PHF10: variants seen among roughly 807,000 people sequenced by gnomAD.
PHF10 encodes BRG1-associated factor 45a.
Under a neutral mutation model 68.5 loss-of-function variants are expected in PHF10, and 51 were observed. That is an observed-to-expected ratio of 0.74 (90% CI 0.59 to 0.94). The LOEUF is 0.94. Ranked by LOEUF, PHF10 falls within the 40% of genes least tolerant of loss-of-function variation. The pLI is 0.00. For synonymous variants in PHF10, 204 were observed against 203.5 expected, an observed-to-expected ratio of 1.00 and a Z score of -0.02; for missense variants, 460 against 602.6, an observed-to-expected ratio of 0.76 and a Z score of 2.48.
chr6:169,717,609 G>A (rs1789080649), intron 4 of PHF10: 1 of 455,496 alleles, frequency 2.2e-6, no homozygotes, highest in Non-Finnish European at 3.9e-6. Context: ...CCATCATGAA[G>A]CTGAACCATC....
At chr6:169,705,363 T>G in intron 10 of PHF10, 42 bp from the exon 11 acceptor site, 2 of 1,386,496 alleles carry the variant, frequency 1.4e-6, no homozygotes. Flanking sequence ...CATAAGAAAT[T>G]TTAACTTAAT....
intron 2 of PHF10, among the ~76,000 whole-genome samples, chr6:169,720,055 G>A (rs1285654425): frequency 1.3e-5 from 2 of 151,886 alleles, no homozygotes; most frequent in African/African-American, 2.4e-5. Context: ...CCAAGCAGAT[G>A]AAAAGATGTT....
chr6:169,704,816 T>G (rs1788717026), intron 11 of PHF10: 4 of 224,678 alleles, frequency 1.8e-5, no homozygotes. Flanking sequence ...GCAGTCATTT[T>G]GTTGTTTCTA....
Position 169,723,919 on chromosome 6 carries a change from CCGCCGCCGCCATCAGCCCGAGCGCCCCG to C in PHF10, c.-16_12del. ...GGGGACAGCGCAGCCCCGGGCCCGG[CCGCCGCCGCCATCAGCCCGAGCGCCCCG>C]CGCCGCCGCCGCCGCCGTCGCCTCC... is the stretch of plus-strand genomic sequence containing the variant. On this transcript the variant is annotated start_lost and 5_prime_UTR_variant, in exon 1 of 12. Coordinates refer to ENST00000339209, the MANE Select transcript of PHF10 (RefSeq NM_018288.4). 9.7e-7 allele frequency: 1 copy of C among 1,026,048 alleles called. No individual in the cohort carries two copies. Among genetic ancestry groups the C allele is most frequent in the Non-Finnish European group, 1.2e-6 (1 of 850,590 alleles). 63.6% of individuals were successfully genotyped at this position (1,026,048 alleles called of 1,614,324 possible).
chr6:169,723,938 G>C lies in PHF10; in HGVS notation c.-7C>G. Reference sequence around the variant, plus strand: ...GCCCGGCCGCCGCCGCCATCAGCCCGAGCGCCCCGCGCCGCCGCCGCCGCC... The same window carrying C: ...GCCCGGCCGCCGCCGCCATCAGCCCCAGCGCCCCGCGCCGCCGCCGCCGCC... On this transcript the variant is annotated 5_prime_UTR_variant, in exon 1 of 12. Coordinates refer to ENST00000339209, the MANE Select transcript of PHF10 (RefSeq NM_018288.4). The C allele has an allele frequency of 1.1e-6, 1 of 945,726 alleles. No individual in the cohort carries two copies. The highest frequency in any genetic ancestry group is 1.3e-6 in the Non-Finnish European group (1 of 790,474). The allele number at this position is 945,726 out of a possible 1,614,324, so 58.6% of individuals were successfully genotyped here.
Position 169,705,157 on chromosome 6 carries a change from C to A in PHF10, c.1387G>T (p.Val463Leu). 1.2e-6 allele frequency: 2 copies of A among 1,609,988 alleles called. No individual in the cohort carries two copies. Among genetic ancestry groups the A allele is most frequent in the Non-Finnish European group, 1.7e-6 (2 of 1,178,124 alleles). Residue 463 changes from valine to leucine, a missense_variant, in exon 11 of 12, where the codon GTG (valine) becomes TTG (leucine). Physicochemically the swap from Val to Leu is conservative, Grantham distance 32 (BLOSUM62 1). Around this residue, in one of 3 missense-constraint regions of PHF10, gnomAD observed 111 missense variants for 109.7 expected, o/e 1.01. Transcript: ENST00000339209. ...MCDRGYHTFC[V>L]GLGAIPSGRW... ...CCTGATGGAATAGCACCAAGGCCCA[C>A]ACAAAAAGTATGATAACCTCTGTCA...
chr6:169,716,582 C>A (rs1789052834), intron 4 of PHF10, among the ~76,000 whole-genome samples: 1 of 151,912 alleles, frequency 6.6e-6, no homozygotes, highest in Non-Finnish European at 1.5e-5. Context: ...CAGATTTCAC[C>A]AATTGCTAAA....
Position 169,712,549 on chromosome 6 carries a change from A to C in PHF10, c.804-10T>G. ...CTCATCTGGTGAGTACCTGAAGTTC[A>C]GAGAGTTTATTTTTGGTTTCCCTTT... On this transcript the variant is annotated splice_polypyrimidine_tract_variant and intron_variant, in intron 7 of 11. Coordinates refer to ENST00000339209, the MANE Select transcript of PHF10 (RefSeq NM_018288.4). 6.3e-7 allele frequency: 1 copy of C among 1,597,620 alleles called. No homozygotes were observed.
rs1789259486 is a variant in PHF10, at chr6:169,724,007, C to CGCCGCT, written c.-77_-76insAGCGGC. ...CGGCCGCCGCCGCCGCTGCCGCCGC[C>CGCCGCT]GCCGCCGCCGCCGCCGCGCGGGCCC... On this transcript the variant is annotated 5_prime_UTR_variant, in exon 1 of 12. Transcript: ENST00000339209. 1 of 217,664 alleles carries CGCCGCT rather than the reference C, an allele frequency of 4.6e-6. No individual in the cohort carries two copies. Among genetic ancestry groups the CGCCGCT allele is most frequent in the African/African-American group, 2.4e-5 (1 of 41,202 alleles). 13.5% of individuals were successfully genotyped at this position (217,664 alleles called of 1,614,324 possible). A position where few individuals can be genotyped will look rare whatever the true frequency, so the allele number is the denominator to read the frequency against.
chr6:169,720,808 T>G (rs138936547), intron 2 of PHF10, among the ~76,000 whole-genome samples, 197 bp downstream of exon 2: 26 of 152,336 alleles, frequency 1.7e-4, no homozygotes, highest in Admixed American at 4.6e-4. Context: ...TATGTATGTA[T>G]GTATTTTACT....
rs1269602732 is a variant in PHF10, at chr6:169,704,161, T to C, written c.1412-73A>G. 5 of 1,117,628 alleles carry C rather than the reference T, an allele frequency of 4.5e-6. No homozygotes were observed. In the Admixed American group the frequency reaches 1.5e-4, roughly 34 times the overall value. The allele number at this position is 1,117,628 out of a possible 1,614,324, so 69.2% of individuals were successfully genotyped here. A position where few individuals can be genotyped will look rare whatever the true frequency, so the allele number is the denominator to read the frequency against. On this transcript the variant is annotated intron_variant, in intron 11 of 11. Coordinates refer to ENST00000339209, the MANE Select transcript of PHF10 (RefSeq NM_018288.4). ...CTGAATTTTAAGCCCATCTAAACTCTTCTGCCTTAGCTATCACTAATGATA... is the reference window on the plus strand; with the variant it reads ...CTGAATTTTAAGCCCATCTAAACTCCTCTGCCTTAGCTATCACTAATGATA...
chr6:169,724,234 G>A lies in PHF10; in HGVS notation c.-303C>T, dbSNP rs1789267998. 6.9e-6 allele frequency among the ~76,000 whole-genome samples: 1 copy of A among 145,408 alleles called. No homozygotes were observed. Among genetic ancestry groups the A allele is most frequent in the African/African-American group, 2.5e-5 (1 of 40,318 alleles). On this transcript the variant is annotated 5_prime_UTR_variant, in exon 1 of 12. It adds an upstream start codon to the 5' untranslated region. Transcript: ENST00000339209. ...GCCCAGCGGCGGCGGCGCTTCTCAC[G>A]TCAGCCCAACCCGCCCGGCCGCGGC...
rs1199742984 is a variant in PHF10 at position 169,704,063 on chromosome 6, C to T, written c.1437G>A (p.Gln479=). 3 of 1,582,662 alleles carry T rather than the reference C, an allele frequency of 1.9e-6. No homozygotes were observed. The highest frequency in any genetic ancestry group is 2.8e-5 in the African/African-American group (2 of 72,638). Residue 479 remains glutamine (Q), a synonymous_variant, in exon 12 of 12, where the codon CAG becomes CAA. Transcript: ENST00000339209. ...PSGRWICDCC[Q]RAPPTPRKVG... ...CTTTCCTGGGTGTTGGGGGGGCCCGCTGACAACAGTCACAAATCCAGCGAC... is the reference window on the plus strand; with the variant it reads ...CTTTCCTGGGTGTTGGGGGGGCCCGTTGACAACAGTCACAAATCCAGCGAC...
intron 1 of PHF10, among the ~76,000 whole-genome samples, 170 bp downstream of exon 1, chr6:169,723,675 G>C (rs1190055449): frequency 6.6e-6 from 1 of 151,642 alleles, no homozygotes; most frequent in East Asian, 2.0e-4. Flanking sequence ...TAGAGGCCGC[G>C]GGCTCACCTC....
At chr6:169,704,532 T>C (rs191654793) in intron 11 of PHF10, 47 of 175,096 alleles carry the variant, frequency 2.7e-4, no homozygotes, top group Admixed American at 1.9e-3. Context: ...AATGATAACT[T>C]GTACTACATA....
intron 9 of PHF10, chr6:169,707,486 A>G (rs549117828): frequency 5.9e-4 from 90 of 152,346 alleles, no homozygotes; most frequent in African/African-American, 1.8e-3. Flanking sequence ...AATGTAAAAG[A>G]TATACTTATT....
At position 169,705,181 on chromosome 6, in the gene PHF10, C is replaced by T; in HGVS notation, c.1363G>A (p.Asp455Asn). Residue 455 changes from aspartate to asparagine, a missense_variant, in exon 11 of 12, where the codon GAC (aspartate) becomes AAC (asparagine). This residue lies in a region of PHF10 where 111 missense variants were observed against 109.7 expected (regional missense o/e 1.01). Transcript: ENST00000339209. Reference sequence around the variant, plus strand: ...ACACAAAAAGTATGATAACCTCTGTCACACATATCACAGAACATCATTTCT... The same window carrying T: ...ACACAAAAAGTATGATAACCTCTGTTACACATATCACAGAACATCATTTCT... Reference protein sequence around the residue: ...EEEMMFCDMCDRGYHTFCVGL... With the variant: ...EEEMMFCDMCNRGYHTFCVGL... 1 of 1,613,264 alleles carries T rather than the reference C, an allele frequency of 6.2e-7. No homozygotes were observed. The highest frequency in any genetic ancestry group is 8.5e-7 in the Non-Finnish European group (1 of 1,179,560).
Position 169,724,333 on chromosome 6 carries a change from C to CCGCTCGCTCGCCT in PHF10, c.-403_-402insAGGCGAGCGAGCG, listed in dbSNP as rs1239453713. Among the ~76,000 whole-genome samples the CCGCTCGCTCGCCT allele has an allele frequency of 6.1e-4, 89 of 144,878 alleles. No individual in the cohort carries two copies. Among genetic ancestry groups the CCGCTCGCTCGCCT allele is most frequent in the African/African-American group, 1.8e-3 (74 of 40,390 alleles). Reference sequence around the variant, plus strand: ...GCCGCCGCGACTCCCTTCAGCCCCGCCACTCGCTCGCCTCAGCCCCGCCGC... The same window carrying CCGCTCGCTCGCCT: ...GCCGCCGCGACTCCCTTCAGCCCCGCCGCTCGCTCGCCTCACTCGCTCGCCTCAGCCCCGCCGC... On this transcript the variant is annotated 5_prime_UTR_variant, in exon 1 of 12. Coordinates refer to ENST00000339209, the MANE Select transcript of PHF10 (RefSeq NM_018288.4).
chr6:169,708,212 C>G (rs1380653724), intron 9 of PHF10: 3 of 152,156 alleles, frequency 2.0e-5, no homozygotes, highest in South Asian at 2.1e-4. Context: ...ACTTGAAAAA[C>G]AGCCAAAGAT....
Sources: gnomAD v4.1 joint callset for allele counts (sites outside exome capture counted in the v4.1 genomes callset) on GRCh38, gnomAD v4.1.1 for gene constraint, gnomAD v4.1.1 regional missense constraint, MANE v1.5 for transcripts, NCBI Gene and HGNC (gene_info 2026-07-23, HGNC 2026-07-21) for gene names.